The following SNED1 variants were observed in gnomAD, a reference collection of about 807,000 sequenced individuals.
The protein encoded by SNED1 is sushi, nidogen and EGF like domains 1, also known as sushi, nidogen and EGF-like domain-containing protein 1.
In SNED1, 81 loss-of-function variants were observed where a neutral mutation model predicts 166.7. The observed-to-expected ratio is 0.49, with a 90% CI of 0.41 to 0.58. The LOEUF is 0.58. Among genes scored for constraint, SNED1 ranks in the 20% least tolerant of loss-of-function variants. The pLI is 0.00. For missense variants in SNED1, 1,604 were observed against 2,000.2 expected, an observed-to-expected ratio of 0.80 and a Z score of 3.78; for synonymous variants, 762 against 822.0, an observed-to-expected ratio of 0.93 and a Z score of 1.25.
Position 241,061,872 on chromosome 2 carries a change from AAAAG to A in SNED1, c.2258-915_2258-912del, listed in dbSNP as rs201645398. 1.1e-3 allele frequency among the ~76,000 whole-genome samples: 162 copies of A among 152,044 alleles called. 5 individuals carry two copies. The East Asian group carries it at 0.025, about 23-fold the overall frequency. On this transcript the variant is annotated intron_variant, in intron 16 of 31. Coordinates refer to ENST00000310397, the MANE Select transcript of SNED1 (RefSeq NM_001080437.3). The stretch of plus-strand genomic sequence containing the variant: ...ATCCCCCCAAAAAAAAAAAAAGAAA[AAAAG>A]AAAACAAAAAAAGGAAAAAGTCTAG...
rs11895565 is a variant in SNED1 at position 241,068,311 on chromosome 2, G to T, written c.3194+364G>T. Among the ~76,000 whole-genome samples, 290 of 143,646 alleles carry T rather than the reference G, an allele frequency of 2.0e-3. No homozygotes were observed. The highest frequency in any genetic ancestry group is 8.2e-3 in the African/African-American group (279 of 33,984). 94.2% of individuals were successfully genotyped at this position (143,646 alleles called of 152,430 possible). A position where few individuals can be genotyped will look rare whatever the true frequency, so the allele number is the denominator to read the frequency against. ...TGGTAGCAGCCCCGAGCTCTCCCAG[G>T]AGTCCCACAGTGGACCCCTCAGAGA... is the stretch of plus-strand genomic sequence containing the variant. On this transcript the variant is annotated intron_variant, in intron 22 of 31. Coordinates refer to ENST00000310397, the MANE Select transcript of SNED1 (RefSeq NM_001080437.3). This position sits in a 1 kb window ranked among gnomAD's most constrained non-coding sequence, Gnocchi z 5.3.
chr2:241,012,814 GTTT>G (rs1173491477), intron 1 of SNED1, among the ~76,000 whole-genome samples: 1 of 132,542 alleles, frequency 7.5e-6, no homozygotes. Flanking sequence ...GCAGTACTGT[GTTT>G]TTTTTTTCTT....
intron 31 of SNED1, chr2:241,090,253 AAC>A (rs1263241805): frequency 2.0e-6 from 3 of 1,514,988 alleles, no homozygotes; most frequent in African/African-American, 1.4e-5. Context: ...CTAAGACACA[AAC>A]ACACACATTG....
At chr2:241,019,023 G>A (rs944036397) in intron 1 of SNED1, among the ~76,000 whole-genome samples, 1 of 152,204 alleles carries the variant, frequency 6.6e-6, no homozygotes, top group Non-Finnish European at 1.5e-5. Context: ...AAGCGGAGAA[G>A]AACCCTTTTG....
Position 240,999,000 on chromosome 2 carries a change from C to A in SNED1, c.163C>A (p.Pro55Thr). 7.5e-7 allele frequency: 1 copy of A among 1,327,766 alleles called. No individual in the cohort carries two copies. 82.2% of individuals were successfully genotyped at this position (1,327,766 alleles called of 1,614,324 possible). The change falls in exon 1 of 32, where the codon CCG becomes ACG. Residue 55 changes from proline to threonine, a missense_variant. Physicochemically the swap from Pro to Thr is conservative, Grantham distance 38 (BLOSUM62 -1). This residue lies in a region of SNED1 where 1,237 missense variants were observed against 1,620.8 expected (regional missense o/e 0.76). Coordinates refer to ENST00000310397, the MANE Select transcript of SNED1 (RefSeq NM_001080437.3). ...GGACGACGGCGGCTCGGGGCTGCGG[C>A]CGCTCTCGGTGCCCTTCCCGTTCTT... ...KQDDGGSGLR[P>T]LSVPFPFFGA...
rs1453791772 is a variant in SNED1 at position 241,093,391 on chromosome 2, T to A, written c.*1755T>A. 1 of 152,692 alleles carries A rather than the reference T, an allele frequency of 6.5e-6. No homozygotes were observed. The highest frequency in any genetic ancestry group is 1.5e-5 in the Non-Finnish European group (1 of 68,066). The allele number at this position is 152,692 out of a possible 1,614,324, so 9.5% of individuals were successfully genotyped here. ...TGAATCCTACTAGGAAACTTTCTACTCCCTACTAGGACCTCAAGCCCCTCA... is the reference window on the plus strand; with the variant it reads ...TGAATCCTACTAGGAAACTTTCTACACCCTACTAGGACCTCAAGCCCCTCA... On this transcript the variant is annotated 3_prime_UTR_variant, in exon 32 of 32. Coordinates refer to ENST00000310397, the MANE Select transcript of SNED1 (RefSeq NM_001080437.3).
chr2:241,049,659 C>T (rs2061768012), intron 11 of SNED1, among the ~76,000 whole-genome samples, 158 bp from the exon 12 acceptor site: 1 of 152,194 alleles, frequency 6.6e-6, no homozygotes, highest in African/African-American at 2.4e-5. Context: ...CTAGAGCCCA[C>T]TCTGAGGAAT....
In SNED1 at chr2:241,069,583, G is replaced by A. The variant is rs1424887301; in HGVS notation, c.3308-337G>A. 6.6e-6 allele frequency among the ~76,000 whole-genome samples: 1 copy of A among 152,244 alleles called. No homozygotes were observed. The highest frequency in any genetic ancestry group is 1.9e-4 in the East Asian group (1 of 5,192). The stretch of plus-strand genomic sequence containing the variant: ...CCGCCTGGCATGGGAAAGGCTGGTG[G>A]GGCAGGGGAGTCTGCACAGGGCTCC... On this transcript the variant is annotated intron_variant, in intron 23 of 31. Transcript: ENST00000310397. This position sits in a 1 kb window ranked among gnomAD's most constrained non-coding sequence, Gnocchi z 4.9.
At chr2:241,031,612 G>GAC (rs747584995) in intron 2 of SNED1, among the ~76,000 whole-genome samples, 7 of 152,192 alleles carry the variant, frequency 4.6e-5, no homozygotes, top group Non-Finnish European at 7.3e-5. Context: ...ACAGAAAGTG[G>GAC]ACAGTTCAGC....
In SNED1 at chr2:240,999,782, G is replaced by C. The variant is rs1270109674; in HGVS notation, c.213+732G>C. ...CATGGCTCCCAGAGTGTGACCCCAG[G>C]CCAAGCCCTTATGGCAGCCCAGGGA... On this transcript the variant is annotated intron_variant, in intron 1 of 31. Transcript: ENST00000310397. The surrounding 1 kb of genome is among the most constrained non-coding windows in gnomAD (Gnocchi z 5.8). Among the ~76,000 whole-genome samples, 2 of 152,158 alleles carry C rather than the reference G, an allele frequency of 1.3e-5. No individual in the cohort carries two copies. Among genetic ancestry groups the C allele is most frequent in the Non-Finnish European group, 2.9e-5 (2 of 68,012 alleles).
rs543713823 is a variant in SNED1 at position 241,043,898 on chromosome 2, G to A, written c.1273+3485G>A. 2.0e-5 allele frequency among the ~76,000 whole-genome samples: 3 copies of A among 152,274 alleles called. No individual in the cohort carries two copies. The East Asian group carries it at 5.8e-4, about 29-fold the overall frequency. ...ATTGATGGCAGGCAAGATTTGGTCT[G>A]TGGGTTATAGTTTACCAACTCCAAT... On this transcript the variant is annotated intron_variant, in intron 8 of 31. Transcript: ENST00000310397.
intron 3 of SNED1, 84 bp from the exon 4 acceptor site, chr2:241,034,484 G>A (rs1487493704): frequency 7.6e-7 from 1 of 1,311,928 alleles, no homozygotes; most frequent in African/African-American, 1.5e-5. Flanking sequence ...GACCCTGGCA[G>A]GAACATGGTG....
chr2:241,085,864 T>TA (rs1553596749), intron 29 of SNED1, among the ~76,000 whole-genome samples: 1 of 138,574 alleles, frequency 7.2e-6, no homozygotes, highest in African/African-American at 2.8e-5. Context: ...CGGTTTCTTT[T>TA]TTTTTTTTTT....
At chr2:241,029,285 T>C (rs758343708) in intron 1 of SNED1, among the ~76,000 whole-genome samples, 17 of 152,236 alleles carry the variant, frequency 1.1e-4, no homozygotes, top group Non-Finnish European at 2.4e-4. Flanking sequence ...ATATATTTTG[T>C]ATAGCTCTTG....
chr2:241,048,397 G>A lies in SNED1; in HGVS notation c.1356G>A (p.Val452=). The change falls in exon 9 of 32, where the codon GTG becomes GTA. Residue 452 remains valine, a synonymous_variant. Transcript: ENST00000310397. ...GTCVDADQGY[V]CECPEGFMGL... ...GTGTGGATGCGGACCAGGGCTACGT[G>A]TGCGAGTGCCCCGAAGGCTTCATGG... 6.2e-7 allele frequency: 1 copy of A among 1,611,928 alleles called. No individual in the cohort carries two copies. Among genetic ancestry groups the A allele is most frequent in the Non-Finnish European group, 8.5e-7 (1 of 1,179,188 alleles).
intron 1 of SNED1, among the ~76,000 whole-genome samples, chr2:241,024,652 CTTATTTTATT>C (rs371310534): frequency 1.7e-4 from 24 of 139,640 alleles, no homozygotes; most frequent in East Asian, 1.1e-3. Context: ...CTTATTTTAT[CTTATTTTATT>C]TTATTTTATT....
chr2:241,045,894 G>T (rs2061632491), intron 8 of SNED1, among the ~76,000 whole-genome samples: 2 of 152,114 alleles, frequency 1.3e-5, no homozygotes, highest in Admixed American at 1.3e-4. Context: ...GAAAACGTTT[G>T]CAAAACTCAT....
At chr2:241,063,869 G>GGGTGGA (rs2062326304) in intron 18 of SNED1, 143 bp from the exon 19 acceptor site, 1 of 762,492 alleles carries the variant, frequency 1.3e-6, no homozygotes, top group Non-Finnish European at 2.1e-6. Context: ...TGCTGGGGAG[G>GGGTGGA]GCTGAGGGGC....
rs576136668 is a variant in SNED1 at position 241,004,888 on chromosome 2, G to GT, written c.213+5846dup. 4.9e-3 allele frequency among the ~76,000 whole-genome samples: 743 copies of GT among 151,816 alleles called. 4 individuals are homozygous for GT. The highest frequency in any genetic ancestry group is 0.02 in the South Asian group (98 of 4,800). ...AGGCGCCCACGACCACACCTAGCTA[G>GT]TTTTTTTTATTTTTAGTAGAGACGG... is the stretch of plus-strand genomic sequence containing the variant. On this transcript the variant is annotated intron_variant, in intron 1 of 31. Transcript: ENST00000310397.
Sources: allele counts gnomAD v4.1 joint callset (sites outside exome capture counted in the v4.1 genomes callset), GRCh38; gene constraint gnomAD v4.1.1; regional missense constraint gnomAD v4.1.1; non-coding constraint Gnocchi (gnomAD v3.1); transcripts MANE v1.5; gene names NCBI Gene and HGNC (gene_info 2026-07-23, HGNC 2026-07-21).